The following MRPS30 variants were observed in gnomAD, a reference collection of about 807,000 sequenced individuals.
MRPS30 encodes the protein mitochondrial ribosomal protein S30, also known as large ribosomal subunit protein mL65.
In MRPS30, 42 loss-of-function variants were observed where a neutral mutation model predicts 43.8. The ratio of observed to expected loss-of-function variants is 0.96; its 90% CI spans 0.75 to 1.24. The LOEUF (loss-of-function observed/expected upper bound fraction) is 1.24, where lower values mean the gene tolerates loss of function less well. Ranked by LOEUF, MRPS30 falls within the 50% of genes most tolerant of loss-of-function variation. The pLI is 0.00. For synonymous variants in MRPS30, 273 were observed against 228.2 expected (o/e 1.20, Z -1.77); for missense variants, 638 against 570.0 (o/e 1.12, Z -1.22).
intron 1 of MRPS30, among the ~76,000 whole-genome samples, 177 bp from the exon 2 acceptor site, chr5:44,810,832 A>G (rs1408358594): frequency 6.6e-6 from 1 of 152,236 alleles, no homozygotes; most frequent in Non-Finnish European, 1.5e-5. Context: ...ACAAGTAGAC[A>G]ATAAATGTTT....
At chr5:44,814,876 T>C in intron 4 of MRPS30, 37 bp from the exon 5 acceptor site, 3 of 1,549,508 alleles carry the variant, frequency 1.9e-6, no homozygotes, top group Non-Finnish European at 2.6e-6. Flanking sequence ...GTAAGATATA[T>C]TCTATGTGTA....
rs1038650963 is a variant in MRPS30 at position 44,809,182 on chromosome 5, G to C, written c.220G>C (p.Glu74Gln). The C allele has an allele frequency of 6.2e-7, 1 of 1,612,550 alleles. No individual in the cohort carries two copies. Among genetic ancestry groups the C allele is most frequent in the African/African-American group, 1.3e-5 (1 of 74,934 alleles). The change falls in exon 1 of 5, where the codon GAG (glutamate) becomes CAG (glutamine). Residue 74 changes from glutamate (E) to glutamine (Q), a missense_variant. Glu to Gln is a conservative substitution (Grantham distance 29). Transcript: ENST00000507110. Reference sequence around the variant, plus strand: ...CTGGCAGGCGACGGTGCACGCTGCGGAGTCGGTAGACGAGAAGCTGCGAAT... The same window carrying C: ...CTGGCAGGCGACGGTGCACGCTGCGCAGTCGGTAGACGAGAAGCTGCGAAT... ...ERWQATVHAAESVDEKLRILT... is the reference protein window; with the variant it reads ...ERWQATVHAAQSVDEKLRILT...
chr5:44,809,145 G>A lies in MRPS30; in HGVS notation c.183G>A (p.Arg61=), dbSNP rs139909496. The A allele has an allele frequency of 3.2e-5, 52 of 1,611,748 alleles. No individual in the cohort carries two copies. The highest frequency in any genetic ancestry group is 4.0e-5 in the African/African-American group (3 of 74,934). The part of the protein sequence containing the change: ...MTADSKAARL[R]RIERWQATVH... ...CCGACAGCAAAGCTGCACGGCTGCG[G>A]CGGATCGAGCGCTGGCAGGCGACGG... The change falls in exon 1 of 5, where the codon CGG becomes CGA. Residue 61 remains arginine, a synonymous_variant. Coordinates refer to ENST00000507110, the MANE Select transcript of MRPS30 (RefSeq NM_016640.4).
chr5:44,812,361 C>G (rs547520564), intron 3 of MRPS30, among the ~76,000 whole-genome samples: 9 of 152,036 alleles, frequency 5.9e-5, no homozygotes, highest in Admixed American at 3.3e-4. Context: ...TTTTAAGTGT[C>G]CTATTTGTGC....
At position 44,813,249 on chromosome 5, in the gene MRPS30, T is replaced by A; in HGVS notation, c.997T>A (p.Phe333Ile). The change falls in exon 4 of 5, where the codon TTT becomes ATT. Residue 333 changes from phenylalanine (F) to isoleucine (I), a missense_variant. By Grantham distance (21) the Phe-to-Ile change is conservative. Coordinates refer to ENST00000507110, the MANE Select transcript of MRPS30 (RefSeq NM_016640.4). ...TAGAGCTAATGCTATTGCAAGCCTT[T>A]TTGCTTGGACTGGAGCACAAGCTAT... ...VFRANAIASL[F>I]AWTGAQAMYQ... 1 of 1,609,186 alleles carries A rather than the reference T, an allele frequency of 6.2e-7. No homozygotes were observed. The highest frequency in any genetic ancestry group is 8.5e-7 in the Non-Finnish European group (1 of 1,178,338).
rs144776967 is a variant in MRPS30, at chr5:44,814,971, T to C, written c.1089T>C (p.Asp363=). The C allele has an allele frequency of 1.0e-3, 1,677 of 1,613,826 alleles. 1 individual carries two copies. Among genetic ancestry groups the C allele is most frequent in the Admixed American group, 1.4e-3 (84 of 60,012 alleles). ...TTGTCTCCCAGGCTGTGATCACAGATGGAAAATACTTTTCCTTTTTCTGCT... is the reference window on the plus strand; with the variant it reads ...TTGTCTCCCAGGCTGTGATCACAGACGGAAAATACTTTTCCTTTTTCTGCT... The part of the protein sequence containing the change: ...RPFVSQAVIT[D]GKYFSFFCYQ... The change falls in exon 5 of 5, where the codon GAT becomes GAC. Residue 363 remains aspartate (D), a synonymous_variant. Transcript: ENST00000507110.
In MRPS30 at chr5:44,809,170, G is replaced by A. The variant is rs575794494; in HGVS notation, c.208G>A (p.Val70Met). 3.7e-6 allele frequency: 6 copies of A among 1,611,986 alleles called. No homozygotes were observed. The highest frequency in any genetic ancestry group is 1.1e-5 in the South Asian group (1 of 90,988). The change falls in exon 1 of 5, where the codon GTG (valine) becomes ATG (methionine). Residue 70 changes from valine to methionine, a missense_variant. By Grantham distance (21) the Val-to-Met change is conservative. Transcript: ENST00000507110. The part of the protein sequence containing the change: ...LRRIERWQAT[V>M]HAAESVDEKL... ...GCGGATCGAGCGCTGGCAGGCGACG[G>A]TGCACGCTGCGGAGTCGGTAGACGA...
chr5:44,814,701 G>A (rs1227784486), intron 4 of MRPS30, among the ~76,000 whole-genome samples: 1 of 152,070 alleles, frequency 6.6e-6, no homozygotes, highest in Non-Finnish European at 1.5e-5. Context: ...TGAGATTGAG[G>A]ATACTAGAAG....
rs1742792591 is a variant in MRPS30, at chr5:44,809,542, G to T, written c.580G>T (p.Ala194Ser). Residue 194 changes from alanine to serine, a missense_variant, in exon 1 of 5, where the codon GCC (alanine) becomes TCC (serine). Coordinates refer to ENST00000507110, the MANE Select transcript of MRPS30 (RefSeq NM_016640.4). ...LVGLLSPHNP[A>S]LAAAALDYRC... ...GGGCCTCCTCAGCCCACACAACCCGGCCCTGGCCGCTGCCGCCCTCGGTGA... is the reference window on the plus strand; with the variant it reads ...GGGCCTCCTCAGCCCACACAACCCGTCCCTGGCCGCTGCCGCCCTCGGTGA... 2.5e-6 allele frequency: 4 copies of T among 1,600,088 alleles called. No homozygotes were observed. Among genetic ancestry groups the T allele is most frequent in the Non-Finnish European group, 3.4e-6 (4 of 1,173,612 alleles).
At chr5:44,812,062 A>T in intron 3 of MRPS30, 42 bp downstream of exon 3, 1 of 1,405,136 alleles carries the variant, frequency 7.1e-7, no homozygotes, top group Non-Finnish European at 9.8e-7. Flanking sequence ...AATGTGTTCC[A>T]AGTGTCGTAT....
Position 44,811,952 on chromosome 5 carries a change from C to G in MRPS30, c.785C>G (p.Pro262Arg). The G allele has an allele frequency of 2.5e-6, 4 of 1,596,062 alleles. No individual in the cohort carries two copies. Among genetic ancestry groups the G allele is most frequent in the Non-Finnish European group, 3.4e-6 (4 of 1,170,558 alleles). ...PLDYSVPIEIPTIKCKPDKLP... is the reference protein window; with the variant it reads ...PLDYSVPIEIRTIKCKPDKLP... ...GATTATTCTGTTCCTATAGAAATCCCCACTATAAAATGTAAACCAGACAAA... is the reference window on the plus strand; with the variant it reads ...GATTATTCTGTTCCTATAGAAATCCGCACTATAAAATGTAAACCAGACAAA... The change falls in exon 3 of 5, where the codon CCC (proline) becomes CGC (arginine). Residue 262 changes from proline to arginine, a missense_variant. By Grantham distance (103) the Pro-to-Arg change is moderately radical (BLOSUM62 -2). Transcript: ENST00000507110.
chr5:44,813,117 G>C lies in MRPS30; in HGVS notation c.865G>C (p.Ala289Pro). The C allele has an allele frequency of 1.2e-6, 2 of 1,611,548 alleles. No individual in the cohort carries two copies. Among genetic ancestry groups the C allele is most frequent in the Non-Finnish European group, 1.7e-6 (2 of 1,179,178 alleles). ...ENHIFVGSKT[A>P]DPCCYGHTQF... ...ATTTTGCTCTTCAGGCTCAAAAACT[G>C]CAGATCCTTGCTGTTACGGTCACAC... The change falls in exon 4 of 5, where the codon GCA becomes CCA. Residue 289 changes from alanine to proline, a missense_variant. Physicochemically the swap from Ala to Pro is conservative, Grantham distance 27 (BLOSUM62 -1). Transcript: ENST00000507110.
rs750859038 is a variant in MRPS30 at position 44,811,042 on chromosome 5, G to A, written c.635G>A (p.Arg212His). 2.7e-5 allele frequency: 44 copies of A among 1,613,886 alleles called. No homozygotes were observed. The highest frequency in any genetic ancestry group is 2.8e-5 in the Non-Finnish European group (33 of 1,179,940). ...YRCPVHFYWV[R>H]GEEIIPRGHR... ...TGCCCAGTTCATTTTTACTGGGTGC[G>A]TGGTGAAGAAATTATTCCTCGTGGT... The change falls in exon 2 of 5, where the codon CGT becomes CAT. Residue 212 changes from arginine (R) to histidine (H), a missense_variant. Transcript: ENST00000507110.
rs72756207 is a variant in MRPS30 at position 44,811,105 on chromosome 5, T to C, written c.698T>C (p.Ile233Thr). 10 of 1,614,098 alleles carry C rather than the reference T, an allele frequency of 6.2e-6. No individual in the cohort carries two copies. In the South Asian group the frequency reaches 9.9e-5, roughly 16 times the overall value. Residue 233 changes from isoleucine to threonine, a missense_variant, in exon 2 of 5, where the codon ATA (isoleucine) becomes ACA (threonine). Transcript: ENST00000507110. Reference sequence around the variant, plus strand: ...CGAATTGATGACTTGCGATACCAGATAGATGATAAACCAAACAACCAGATT... The same window carrying C: ...CGAATTGATGACTTGCGATACCAGACAGATGATAAACCAAACAACCAGATT... ...RGRIDDLRYQ[I>T]DDKPNNQIRI...
In MRPS30 at chr5:44,809,025, G is replaced by C; in HGVS notation, c.63G>C (p.Ala21=). ...LRGPRLSLHT[A]ANAAATATET... is the part of the protein sequence containing the mutation. ...GTCCGAGGCTTTCATTGCACACCGCGGCTAATGCCGCCGCCACGGCTACAG... is the reference window on the plus strand; with the variant it reads ...GTCCGAGGCTTTCATTGCACACCGCCGCTAATGCCGCCGCCACGGCTACAG... Residue 21 remains alanine (A), a synonymous_variant, in exon 1 of 5, where the codon GCG becomes GCC. Transcript: ENST00000507110. 1 of 1,609,860 alleles carries C rather than the reference G, an allele frequency of 6.2e-7. No individual in the cohort carries two copies. The highest frequency in any genetic ancestry group is 8.5e-7 in the Non-Finnish European group (1 of 1,178,760).
In MRPS30 at chr5:44,814,999, C is replaced by G. The variant is rs549231581; in HGVS notation, c.1117C>G (p.Gln373Glu). Residue 373 changes from glutamine (Q) to glutamate (E), a missense_variant, in exon 5 of 5, where the codon CAG becomes GAG. Gln to Glu is a conservative substitution (Grantham distance 29). Coordinates refer to ENST00000507110, the MANE Select transcript of MRPS30 (RefSeq NM_016640.4). ...AAAATACTTTTCCTTTTTCTGCTACCAGCTAAATACTTTGGCACTGACTAC... is the reference window on the plus strand; with the variant it reads ...AAAATACTTTTCCTTTTTCTGCTACGAGCTAAATACTTTGGCACTGACTAC... The part of the protein sequence containing the change: ...DGKYFSFFCY[Q>E]LNTLALTTQA... The G allele has an allele frequency of 1.9e-6, 3 of 1,613,466 alleles. No homozygotes were observed. The highest frequency in any genetic ancestry group is 1.1e-5 in the South Asian group (1 of 91,052).
rs113581328 is a variant in MRPS30, at chr5:44,812,169, T to C, written c.853+149T>C. 6.2e-3 allele frequency: 2,788 copies of C among 452,684 alleles called. 57 individuals carry two copies. The highest frequency in any genetic ancestry group is 0.052 in the African/African-American group (2,572 of 49,324). The allele number at this position is 452,684 out of a possible 1,614,324, so 28.0% of individuals were successfully genotyped here. On this transcript the variant is annotated intron_variant, in intron 3 of 4. Transcript: ENST00000507110. ...AATATAATTCGTAATCTCAGGTTAT[T>C]ACAACATGCATAAACACTGGAAAGA...
At chr5:44,814,849 G>A in intron 4 of MRPS30, 64 bp from the exon 5 acceptor site, 2 of 1,430,758 alleles carry the variant, frequency 1.4e-6, no homozygotes, top group South Asian at 1.4e-5. Context: ...AATGTCTAAT[G>A]TGATTGTTTT....
chr5:44,811,896 T>C lies in MRPS30; in HGVS notation c.748-19T>C. On this transcript the variant is annotated intron_variant, in intron 2 of 4. Transcript: ENST00000507110. ...CTAATGTTGCTGTGAATTTAGTATGTCTTTTCTTTTTCTTTAAGTTTGTGC... is the reference window on the plus strand; with the variant it reads ...CTAATGTTGCTGTGAATTTAGTATGCCTTTTCTTTTTCTTTAAGTTTGTGC... The C allele has an allele frequency of 7.1e-7, 1 of 1,400,238 alleles. No individual in the cohort carries two copies. The highest frequency in any genetic ancestry group is 9.7e-7 in the Non-Finnish European group (1 of 1,029,678). The allele number at this position is 1,400,238 out of a possible 1,614,324, so 86.7% of individuals were successfully genotyped here.
Sources: allele counts gnomAD v4.1 joint callset (sites outside exome capture counted in the v4.1 genomes callset), GRCh38; gene constraint gnomAD v4.1.1; transcripts MANE v1.5; gene names NCBI Gene and HGNC (gene_info 2026-07-23, HGNC 2026-07-21).